Variants in GOLGA1 observed in about 807,000 individuals in gnomAD.
GOLGA1 encodes the protein golgin subfamily A member 1.
A neutral mutation model predicts 119.7 loss-of-function variants in GOLGA1; 63 were observed. The ratio of observed to expected loss-of-function variants is 0.53; its 90% confidence interval spans 0.43 to 0.65. GOLGA1 has a LOEUF of 0.65. GOLGA1 is among the 30% of genes least tolerant of loss of function. GOLGA1 has a pLI of 0.00. For missense variants in GOLGA1, 798 were observed against 912.8 expected (o/e 0.87, Z 1.62); for synonymous variants, 318 against 333.4 (o/e 0.95, Z 0.50).
rs184199157 is a variant in GOLGA1 at position 124,914,054 on chromosome 9, T to G, written c.844-2028A>C. Among the ~76,000 whole-genome samples the G allele has an allele frequency of 3.5e-4, 53 of 151,896 alleles. No homozygotes were observed. In the East Asian group the frequency reaches 0.01, roughly 29 times the overall value. ...ATGCAAGGTGGATAACACAGGAAAG[T>G]GAGTGAGTGTGATAGGAAAAAAAAA... On this transcript the variant is annotated intron_variant, in intron 10 of 22. Coordinates refer to ENST00000373555, the MANE Select transcript of GOLGA1 (RefSeq NM_002077.4).
At chr9:124,915,089 C>G (rs1830414663) in intron 10 of GOLGA1, among the ~76,000 whole-genome samples, 2 of 152,176 alleles carry the variant, frequency 1.3e-5, no homozygotes, top group South Asian at 4.1e-4. Flanking sequence ...CCCTCTTCAC[C>G]TACTCCCTCC....
chr9:124,880,496 C>T lies in GOLGA1; in HGVS notation c.*34G>A. 1 of 1,218,822 alleles carries T rather than the reference C, an allele frequency of 8.2e-7. No homozygotes were observed. The highest frequency in any genetic ancestry group is 1.2e-6 in the Non-Finnish European group (1 of 819,464). 75.5% of individuals were successfully genotyped at this position (1,218,822 alleles called of 1,614,324 possible). On this transcript the variant is annotated 3_prime_UTR_variant, in exon 23 of 23. Coordinates refer to ENST00000373555, the MANE Select transcript of GOLGA1 (RefSeq NM_002077.4). ...AGTGTTCTTTTCACAGAAAAAGTGT[C>T]AACCCACGGAGCTCCATCCTTGGGT...
chr9:124,930,661 A>G (rs1830755151), intron 4 of GOLGA1, among the ~76,000 whole-genome samples: 1 of 152,238 alleles, frequency 6.6e-6, no homozygotes. Context: ...AAAAAGAGAC[A>G]CAGAAGCCAT....
chr9:124,907,642 G>A (rs1254480845), intron 12 of GOLGA1, among the ~76,000 whole-genome samples: 1 of 152,128 alleles, frequency 6.6e-6, no homozygotes, highest in Non-Finnish European at 1.5e-5. Context: ...ATAAGGAAAG[G>A]ATATGAATGG....
At position 124,921,878 on chromosome 9, in the gene GOLGA1, T is replaced by C; in HGVS notation, c.576A>G (p.Glu192=). Residue 192 remains glutamate, a synonymous_variant, in exon 9 of 23, where the codon GAA becomes GAG. Transcript: ENST00000373555. ...CTTGTTCCATTTTCCCTAGACTTTC[T>C]TCTTTTTTTAAAAGCTGACACAAAA... ...SKIKHMLLKK[E]ESLGKMEQEL... is the part of the protein sequence containing the mutation. The C allele has an allele frequency of 1.2e-6, 2 of 1,612,410 alleles. No individual in the cohort carries two copies. The highest frequency in any genetic ancestry group is 1.7e-4 in the Middle Eastern group (1 of 6,058).
In GOLGA1 at chr9:124,880,217, G is replaced by C; in HGVS notation, c.*313C>G. On this transcript the variant is annotated 3_prime_UTR_variant, in exon 23 of 23. Coordinates refer to ENST00000373555, the MANE Select transcript of GOLGA1 (RefSeq NM_002077.4). The stretch of plus-strand genomic sequence containing the variant: ...CTGCCAGATGCTGATGGCTTCAGCT[G>C]TAAGTGCTACCGTGAAGTTAGAGGA... The C allele has an allele frequency of 4.2e-6, 1 of 238,010 alleles. No individual in the cohort carries two copies. Among genetic ancestry groups the C allele is most frequent in the Admixed American group, 4.9e-5 (1 of 20,362 alleles). The allele number at this position is 238,010 out of a possible 1,614,324, so 14.7% of individuals were successfully genotyped here.
chr9:124,922,550 CAAAA>C (rs537417274), intron 8 of GOLGA1, among the ~76,000 whole-genome samples: 1 of 49,380 alleles, frequency 2.0e-5, no homozygotes, highest in Non-Finnish European at 4.0e-5. Context: ...GACTCTATCT[CAAAA>C]AAAAAAAAAA....
In GOLGA1 at chr9:124,881,131, C is replaced by T. The variant is rs200134926; in HGVS notation, c.2223+40G>A. On this transcript the variant is annotated intron_variant, in intron 22 of 22. Transcript: ENST00000373555. The surrounding 1 kb of genome is among the most constrained non-coding windows in gnomAD (Gnocchi z 4.9). ...CTGCTACTGCTGGGATAACTGACAA[C>T]GTATCTTGGAAGCTGGAACAGTAGA... The T allele has an allele frequency of 2.0e-5, 21 of 1,059,884 alleles. No individual in the cohort carries two copies. Among genetic ancestry groups the T allele is most frequent in the Admixed American group, 1.0e-4 (6 of 59,386 alleles). 65.7% of individuals were successfully genotyped at this position (1,059,884 alleles called of 1,614,324 possible).
intron 3 of GOLGA1, among the ~76,000 whole-genome samples, chr9:124,938,173 T>A (rs994435773): frequency 6.6e-6 from 1 of 151,672 alleles, no homozygotes; most frequent in Admixed American, 6.6e-5. Flanking sequence ...AATACAACAA[T>A]GCACTCTTGC....
Position 124,889,277 on chromosome 9 carries a change from G to T in GOLGA1, c.1627C>A (p.His543Asn), listed in dbSNP as rs1320651150. The T allele has an allele frequency of 2.5e-6, 4 of 1,613,906 alleles. No homozygotes were observed. The East Asian group carries it at 8.9e-5, about 36-fold the overall frequency. Reference sequence around the variant, plus strand: ...GCCTCCAGCTCGGCCTGCAGCTGGTGTATCTGCAGCAGGGCAGAGTTGTGA... The same window carrying T: ...GCCTCCAGCTCGGCCTGCAGCTGGTTTATCTGCAGCAGGGCAGAGTTGTGA... ...RGHNSALLQI[H>N]QLQAELEALR... Residue 543 changes from histidine to asparagine, a missense_variant, in exon 18 of 23, where the codon CAC becomes AAC. Physicochemically the swap from His to Asn is moderately conservative, Grantham distance 68. Transcript: ENST00000373555.
intron 9 of GOLGA1, 44 bp from the exon 10 acceptor site, chr9:124,921,284 A>G (rs1406024606): frequency 1.8e-6 from 2 of 1,081,158 alleles, no homozygotes; most frequent in Admixed American, 1.7e-5. Context: ...TGGATATCTC[A>G]TCTAATATAC....
intron 12 of GOLGA1, among the ~76,000 whole-genome samples, chr9:124,906,912 T>C (rs531676488): frequency 6.6e-6 from 1 of 152,272 alleles, no homozygotes; most frequent in South Asian, 2.1e-4. Flanking sequence ...TTTACATTGT[T>C]AGAAGGAATA....
intron 11 of GOLGA1, among the ~76,000 whole-genome samples, chr9:124,909,532 C>T (rs891174907): frequency 1.3e-5 from 2 of 150,650 alleles, no homozygotes; most frequent in African/African-American, 4.9e-5. Flanking sequence ...CACTTGAACC[C>T]CGGGAAGCAG....
chr9:124,905,961 A>C (rs1172169983), intron 12 of GOLGA1, among the ~76,000 whole-genome samples: 1 of 151,760 alleles, frequency 6.6e-6, no homozygotes, highest in African/African-American at 2.4e-5. Flanking sequence ...AAAAATACAA[A>C]AATTAGTCGG....
chr9:124,878,522 CAG>C lies in GOLGA1; in HGVS notation c.*2006_*2007del, dbSNP rs1395809043. ...AGGGCTATAGATACCGTCGCTAACA[CAG>C]AAAGTTTTATACAAGTCAAAGTGCA... On this transcript the variant is annotated 3_prime_UTR_variant, in exon 23 of 23. Coordinates refer to ENST00000373555, the MANE Select transcript of GOLGA1 (RefSeq NM_002077.4). The C allele has an allele frequency of 3.9e-5, 6 of 152,772 alleles. No homozygotes were observed. Among genetic ancestry groups the C allele is most frequent in the East Asian group, 1.9e-4 (1 of 5,188 alleles). 9.5% of individuals were successfully genotyped at this position (152,772 alleles called of 1,614,324 possible). A position where few individuals can be genotyped will look rare whatever the true frequency, so the allele number is the denominator to read the frequency against.
intron 11 of GOLGA1, among the ~76,000 whole-genome samples, chr9:124,910,175 C>T (rs1830313527): frequency 6.6e-6 from 1 of 152,132 alleles, no homozygotes; most frequent in Admixed American, 6.6e-5. Flanking sequence ...GTGATCCGCC[C>T]GCCTCGGCCT....
chr9:124,884,740 G>A (rs1037755548), intron 19 of GOLGA1, among the ~76,000 whole-genome samples: 1 of 152,170 alleles, frequency 6.6e-6, no homozygotes, highest in Non-Finnish European at 1.5e-5. Flanking sequence ...CATGAGGCTG[G>A]ACACTGCCCC....
chr9:124,883,667 C>T (rs1829643565), intron 19 of GOLGA1, among the ~76,000 whole-genome samples: 1 of 151,786 alleles, frequency 6.6e-6, no homozygotes, highest in Non-Finnish European at 1.5e-5. Flanking sequence ...AGGCTGGTCT[C>T]GAACTCCTGA....
At position 124,894,482 on chromosome 9, in the gene GOLGA1, C is replaced by T. The variant is rs183862549; in HGVS notation, c.1408-4004G>A. On this transcript the variant is annotated intron_variant, in intron 15 of 22. Coordinates refer to ENST00000373555, the MANE Select transcript of GOLGA1 (RefSeq NM_002077.4). Reference sequence around the variant, plus strand: ...GTACGATCTTGCACACTGCAAGCTCCGCCTCCTGGGCTCCCAAGCAGCTGG... The same window carrying T: ...GTACGATCTTGCACACTGCAAGCTCTGCCTCCTGGGCTCCCAAGCAGCTGG... Among the ~76,000 whole-genome samples the T allele has an allele frequency of 1.3e-3, 204 of 152,088 alleles. 3 individuals carry two copies. The highest frequency in any genetic ancestry group is 4.5e-3 in the African/African-American group (186 of 41,484).
Sources: gnomAD v4.1 joint callset for allele counts (sites outside exome capture counted in the v4.1 genomes callset) on GRCh38, gnomAD v4.1.1 for gene constraint, Gnocchi (gnomAD v3.1) non-coding constraint, MANE v1.5 for transcripts, NCBI Gene and HGNC (gene_info 2026-07-23, HGNC 2026-07-21) for gene names.